Variants in APCDD1L observed in about 807,000 individuals in gnomAD.
The protein encoded by APCDD1L is protein APCDD1-like.
In APCDD1L, 21 loss-of-function variants were observed where a neutral mutation model predicts 24.2. The observed-to-expected ratio is 0.87, with a 90% CI of 0.61 to 1.25. APCDD1L has a LOEUF of 1.25. APCDD1L is among the 50% of genes most tolerant of loss of function. The pLI is 0.00. For synonymous variants in APCDD1L, 321 were observed against 323.6 expected (o/e 0.99, Z 0.09); for missense variants, 704 against 711.7 (o/e 0.99, Z 0.12).
At chr20:58,491,400 A>G (rs1022116537) in intron 1 of APCDD1L, among the ~76,000 whole-genome samples, 5 of 152,232 alleles carry the variant, frequency 3.3e-5, no homozygotes, top group African/African-American at 1.2e-4. Context: ...GAGAGTGTTT[A>G]GAAAGATGGC....
rs1990575498 is a variant in APCDD1L at position 58,508,978 on chromosome 20, G to C, written c.49+5681C>G. Among the ~76,000 whole-genome samples, 1 of 141,700 alleles carries C rather than the reference G, an allele frequency of 7.1e-6. No homozygotes were observed. The highest frequency in any genetic ancestry group is 1.5e-5 in the Non-Finnish European group (1 of 65,804). The allele number at this position is 141,700 out of a possible 152,430, so 93.0% of individuals were successfully genotyped here. A position where few individuals can be genotyped will look rare whatever the true frequency, so the allele number is the denominator to read the frequency against. ...CATGTGTGTCTGTGTGCGCACGTGT[G>C]TGTGCATGTGCATGCGTGTGTGTGT... On this transcript the variant is annotated intron_variant, in intron 1 of 3. Transcript: ENST00000371149. This position sits in a 1 kb window ranked among gnomAD's most constrained non-coding sequence, Gnocchi z 4.0.
In APCDD1L at chr20:58,461,146, C is replaced by G; in HGVS notation, c.1150G>C (p.Ala384Pro). Reference protein sequence around the residue: ...SEPSSCGGAGAWSMGTERDVT... With the variant: ...SEPSSCGGAGPWSMGTERDVT... ...TCCCGCTCAGTGCCCATGGACCAGG[C>G]CCCCGCACCCCCACAGCTGCTTGGC... The change falls in exon 4 of 4, where the codon GCC (alanine) becomes CCC (proline). Residue 384 changes from alanine to proline, a missense_variant. Coordinates refer to ENST00000371149, the MANE Select transcript of APCDD1L (RefSeq NM_153360.3). The surrounding 1 kb of genome is among the most constrained non-coding windows in gnomAD (Gnocchi z 6.0). 6.2e-7 allele frequency: 1 copy of G among 1,612,652 alleles called. No homozygotes were observed. The highest frequency in any genetic ancestry group is 1.3e-5 in the African/African-American group (1 of 75,020).
At chr20:58,496,004 T>C (rs572588686) in intron 1 of APCDD1L, among the ~76,000 whole-genome samples, 1 of 152,332 alleles carries the variant, frequency 6.6e-6, no homozygotes, top group African/African-American at 2.4e-5. Context: ...CTTGAGGCCC[T>C]ACCCCATTGA....
At chr20:58,504,003 AG>A (rs1990489741) in intron 1 of APCDD1L, among the ~76,000 whole-genome samples, 1 of 152,224 alleles carries the variant, frequency 6.6e-6, no homozygotes, top group South Asian at 2.1e-4. Context: ...CTCACACCTC[AG>A]GTGGAGATGA....
Position 58,514,844 on chromosome 20 carries a change from C to G in APCDD1L, c.-137G>C, listed in dbSNP as rs1474389035. The G allele has an allele frequency of 1.7e-6, 1 of 590,418 alleles. No individual in the cohort carries two copies. Among genetic ancestry groups the G allele is most frequent in the Non-Finnish European group, 2.5e-6 (1 of 397,966 alleles). The allele number at this position is 590,418 out of a possible 1,614,324, so 36.6% of individuals were successfully genotyped here. On this transcript the variant is annotated 5_prime_UTR_variant, in exon 1 of 4. Coordinates refer to ENST00000371149, the MANE Select transcript of APCDD1L (RefSeq NM_153360.3). Reference sequence around the variant, plus strand: ...GCGAAGAAGTTGCGAGGGTCCTGCGCCCCCCTCGGCGCTCACACGCGCTCA... The same window carrying G: ...GCGAAGAAGTTGCGAGGGTCCTGCGGCCCCCTCGGCGCTCACACGCGCTCA...
intron 1 of APCDD1L, among the ~76,000 whole-genome samples, chr20:58,511,107 A>G (rs1357785304): frequency 6.6e-6 from 1 of 152,210 alleles, no homozygotes; most frequent in African/African-American, 2.4e-5. Flanking sequence ...TGTCACAGCT[A>G]TCACCATTCC....
intron 3 of APCDD1L, among the ~76,000 whole-genome samples, chr20:58,463,349 G>T (rs1448793733): frequency 6.6e-6 from 1 of 152,178 alleles, no homozygotes; most frequent in Admixed American, 6.5e-5. Context: ...GTTTTCCTCT[G>T]TCTTTGCCCT....
chr20:58,507,434 G>A, intron 1 of APCDD1L, among the ~76,000 whole-genome samples: 1 of 152,148 alleles, frequency 6.6e-6, no homozygotes, highest in East Asian at 1.9e-4. Context: ...TGTTCTAGCT[G>A]TCTTTTTTCT....
rs570072769 is a variant in APCDD1L, at chr20:58,462,587, T to C, written c.742-1033A>G. 2.2e-4 allele frequency among the ~76,000 whole-genome samples: 33 copies of C among 152,326 alleles called. No individual in the cohort carries two copies. The East Asian group carries it at 5.8e-3, about 27-fold the overall frequency. On this transcript the variant is annotated intron_variant, in intron 3 of 3. Transcript: ENST00000371149. ...AGCCGGGCACAGTGGCTCACACCTG[T>C]AATCCCAGCTCTTTGGGAGGCTGAG... is the stretch of plus-strand genomic sequence containing the variant.
intron 1 of APCDD1L, among the ~76,000 whole-genome samples, chr20:58,510,611 C>T (rs1020079487): frequency 1.3e-5 from 2 of 152,184 alleles, no homozygotes; most frequent in Non-Finnish European, 2.9e-5. Context: ...GGATTAAAGG[C>T]GTGAGCCACC....
intron 3 of APCDD1L, among the ~76,000 whole-genome samples, chr20:58,463,129 A>G (rs540752121): frequency 1.4e-5 from 2 of 139,284 alleles, no homozygotes; most frequent in African/African-American, 2.7e-5. Context: ...GTGACAGAGC[A>G]AGACTCCATC....
Position 58,480,694 on chromosome 20 carries a change from C to T in APCDD1L, c.50-9947G>A, listed in dbSNP as rs913599223. Among the ~76,000 whole-genome samples the T allele has an allele frequency of 2.6e-4, 40 of 152,294 alleles. 1 individual carries two copies. The highest frequency in any genetic ancestry group is 1.8e-3 in the Admixed American group (28 of 15,294). On this transcript the variant is annotated intron_variant, in intron 1 of 3. Coordinates refer to ENST00000371149, the MANE Select transcript of APCDD1L (RefSeq NM_153360.3). ...GGAAAGGAATGGGGGCCTGGGGAGA[C>T]GAGTTCTGGCCCACCAAGCCTGGCT...
chr20:58,490,919 G>A (rs938518492), intron 1 of APCDD1L, among the ~76,000 whole-genome samples: 25 of 152,196 alleles, frequency 1.6e-4, no homozygotes, highest in African/African-American at 5.8e-4. Context: ...TAAATGGAAT[G>A]TAAAGATAAC....
In APCDD1L at chr20:58,461,277, G is replaced by C; in HGVS notation, c.1019C>G (p.Thr340Arg). Residue 340 changes from threonine to arginine, a missense_variant, in exon 4 of 4, where the codon ACG becomes AGG. By Grantham distance (71) the Thr-to-Arg change is moderately conservative. Transcript: ENST00000371149. This position sits in a 1 kb window ranked among gnomAD's most constrained non-coding sequence, Gnocchi z 6.0. ...VYAAGRYTRG[T>R]PSTRVRGGTE... ...GCCGCCGCGGACCCTGGTGGATGGC[G>C]TGCCCCTGGTGTAGCGGCCGGCGGC... 1.2e-6 allele frequency: 2 copies of C among 1,612,812 alleles called. No homozygotes were observed. Among genetic ancestry groups the C allele is most frequent in the Non-Finnish European group, 1.7e-6 (2 of 1,179,344 alleles).
intron 1 of APCDD1L, among the ~76,000 whole-genome samples, chr20:58,478,821 A>C (rs1298011757): frequency 6.6e-6 from 1 of 151,972 alleles, no homozygotes; most frequent in Non-Finnish European, 1.5e-5. Context: ...GGCTGAGGGC[A>C]AAAGGGTGAT....
chr20:58,469,294 T>C (rs1989769750), intron 2 of APCDD1L, among the ~76,000 whole-genome samples: 2 of 152,044 alleles, frequency 1.3e-5, no homozygotes, highest in South Asian at 4.1e-4. Context: ...GATAAGTAAA[T>C]ACTAGTATAG....
intron 1 of APCDD1L, among the ~76,000 whole-genome samples, chr20:58,487,985 T>C (rs564559565): frequency 6.6e-6 from 1 of 152,318 alleles, no homozygotes; most frequent in East Asian, 1.9e-4. Context: ...TGTGTGTGTG[T>C]ATGCAAGTGT....
intron 3 of APCDD1L, among the ~76,000 whole-genome samples, chr20:58,463,391 C>A (rs1447694861): frequency 6.6e-6 from 1 of 152,202 alleles, no homozygotes; most frequent in African/African-American, 2.4e-5. Context: ...TACAAACTCT[C>A]GTGAGCTGGG....
At chr20:58,462,843 CAAA>C (rs59846654) in intron 3 of APCDD1L, among the ~76,000 whole-genome samples, 1 of 114,230 alleles carries the variant, frequency 8.8e-6, no homozygotes, top group Non-Finnish European at 1.9e-5. Flanking sequence ...GACACCATCT[CAAA>C]AAAAAAAAAA....
Sources: allele counts gnomAD v4.1 joint callset (sites outside exome capture counted in the v4.1 genomes callset), GRCh38; gene constraint gnomAD v4.1.1; non-coding constraint Gnocchi (gnomAD v3.1); transcripts MANE v1.5; gene names NCBI Gene and HGNC (gene_info 2026-07-23, HGNC 2026-07-21).